Variants in CNTLN observed in about 807,000 individuals in gnomAD.
CNTLN encodes centlein, centrosomal protein.
CNTLN carries 212 observed loss-of-function variants against 180.0 expected under a neutral mutation model. The ratio of observed to expected loss-of-function variants is 1.18; its 90% confidence interval spans 1.05 to 1.32. The LOEUF is 1.32. Ranked by LOEUF, CNTLN falls within the 40% of genes most tolerant of loss-of-function variation. The probability of loss-of-function intolerance (pLI) is 0.00; values close to 1 mark genes in which losing one functional copy is unlikely to be tolerated. For missense variants in CNTLN, 2,095 were observed against 1,610.9 expected, an observed-to-expected ratio of 1.30 and a Z score of -5.14; for synonymous variants, 722 against 563.1, an observed-to-expected ratio of 1.28 and a Z score of -3.99.
rs762450294 is a variant in CNTLN at position 17,261,929 on chromosome 9, C to A, written c.850-11804C>A. On this transcript the variant is annotated intron_variant, in intron 5 of 25. Transcript: ENST00000380647. ...AGTAGGCGAAGGACATGAACAGACA[C>A]TTCTCCTTCAAAAGTGGACATTTAT... is the stretch of plus-strand genomic sequence containing the variant. Among the ~76,000 whole-genome samples, 4 of 151,736 alleles carry A rather than the reference C, an allele frequency of 2.6e-5. 1 individual carries two copies. Among genetic ancestry groups the A allele is most frequent in the Admixed American group, 1.3e-4 (2 of 15,278 alleles).
intron 7 of CNTLN, among the ~76,000 whole-genome samples, chr9:17,308,004 AC>A (rs1818848261): frequency 6.6e-6 from 1 of 151,530 alleles, no homozygotes; most frequent in East Asian, 1.9e-4. Flanking sequence ...ACACACACAC[AC>A]ACACACACAC....
intron 19 of CNTLN, among the ~76,000 whole-genome samples, chr9:17,458,335 A>C (rs995443059): frequency 6.6e-6 from 1 of 151,974 alleles, no homozygotes; most frequent in Non-Finnish European, 1.5e-5. Flanking sequence ...AGTGATCCTC[A>C]CACTTAATTG....
At chr9:17,274,978 C>G (rs1828216971) in intron 6 of CNTLN, among the ~76,000 whole-genome samples, 1 of 152,016 alleles carries the variant, frequency 6.6e-6, no homozygotes, top group East Asian at 1.9e-4. Flanking sequence ...TAAAAACTTT[C>G]TCATCATAAG....
At chr9:17,400,709 A>AT (rs529419461) in intron 15 of CNTLN, among the ~76,000 whole-genome samples, 50 of 151,886 alleles carry the variant, frequency 3.3e-4, no homozygotes, top group Middle Eastern at 6.8e-3. Context: ...AAAAGGAATC[A>AT]TTTTTTTTGG....
intron 5 of CNTLN, among the ~76,000 whole-genome samples, chr9:17,263,890 G>T (rs1484537112): frequency 9.2e-6 from 1 of 109,218 alleles, no homozygotes; most frequent in Non-Finnish European, 1.8e-5. Context: ...TGATGGGGTT[G>T]TTTGTTTTTT....
chr9:17,196,062 C>A lies in CNTLN; in HGVS notation c.450-30141C>A, dbSNP rs993988619. On this transcript the variant is annotated intron_variant, in intron 2 of 25. Transcript: ENST00000380647. ...TTTTTGAGATGGAGCCTTGCTCTGT[C>A]ACCCAGGCTGGAGTGCAGTGGCGCC... Among the ~76,000 whole-genome samples the A allele has an allele frequency of 3.3e-5, 5 of 152,092 alleles. No homozygotes were observed. The East Asian group carries it at 9.6e-4, about 29-fold the overall frequency.
At chr9:17,486,872 CTGTTCTT>C in intron 24 of CNTLN, 110 bp from the exon 25 acceptor site, 1 of 588,160 alleles carries the variant, frequency 1.7e-6, no homozygotes, top group Non-Finnish European at 3.0e-6. Flanking sequence ...AGATGACAGA[CTGTTCTT>C]TGTTGAATCT....
chr9:17,477,920 A>G (rs1474982552), intron 23 of CNTLN, among the ~76,000 whole-genome samples: 1 of 152,216 alleles, frequency 6.6e-6, no homozygotes, highest in Admixed American at 6.5e-5. Context: ...ATCACATGCT[A>G]TAGAGAAATC....
chr9:17,298,716 T>G, intron 7 of CNTLN: 1 of 993,764 alleles, frequency 1.0e-6, no homozygotes. Context: ...TGGCAGACTT[T>G]CATTGTAAAA....
chr9:17,235,589 A>G (rs1473203683), intron 3 of CNTLN, 69 bp from the exon 4 acceptor site: 2 of 1,288,476 alleles, frequency 1.6e-6, no homozygotes, highest in Non-Finnish European at 2.2e-6. Context: ...AAAATGTAAA[A>G]CCTTTAAAAT....
At chr9:17,404,747 T>TA (rs1167688031) in intron 15 of CNTLN, among the ~76,000 whole-genome samples, 2 of 150,458 alleles carry the variant, frequency 1.3e-5, no homozygotes, top group African/African-American at 4.9e-5. Flanking sequence ...AATTTTTTTT[T>TA]TTTTTTTTGA....
chr9:17,457,749 C>T, intron 19 of CNTLN, 34 bp downstream of exon 19: 5 of 1,258,266 alleles, frequency 4.0e-6, no homozygotes, highest in Non-Finnish European at 5.2e-6. Context: ...TGAAAACATA[C>T]ATTATGCTTG....
chr9:17,291,080 G>A (rs1362152031), intron 6 of CNTLN, among the ~76,000 whole-genome samples: 1 of 152,178 alleles, frequency 6.6e-6, no homozygotes, highest in Non-Finnish European at 1.5e-5. Context: ...TCATTCAGGA[G>A]CAGGTTGTTC....
chr9:17,313,033 G>C (rs1056704072), intron 8 of CNTLN, among the ~76,000 whole-genome samples: 1 of 152,018 alleles, frequency 6.6e-6, no homozygotes, highest in Admixed American at 6.5e-5. Flanking sequence ...TGATTGTTAT[G>C]TCTTTCTGAT....
intron 6 of CNTLN, among the ~76,000 whole-genome samples, chr9:17,295,995 A>T (rs7041335): frequency 8.8e-4 from 75 of 84,974 alleles, no homozygotes; most frequent in East Asian, 3.0e-3. Context: ...AGAGAGAGAG[A>T]GAGTGTGTGT....
intron 6 of CNTLN, among the ~76,000 whole-genome samples, chr9:17,281,640 T>C (rs1293616448): frequency 6.6e-6 from 1 of 152,230 alleles, no homozygotes; most frequent in East Asian, 1.9e-4. Flanking sequence ...GGCTGCATCA[T>C]ATTCCATGTT....
intron 2 of CNTLN, among the ~76,000 whole-genome samples, chr9:17,177,354 A>C (rs926842031): frequency 2.6e-5 from 4 of 152,014 alleles, no homozygotes; most frequent in Non-Finnish European, 5.9e-5. Flanking sequence ...GCTTGCAGTG[A>C]GCTGAGATTG....
At chr9:17,441,365 T>G (rs932645804) in intron 18 of CNTLN, among the ~76,000 whole-genome samples, 2 of 152,084 alleles carry the variant, frequency 1.3e-5, no homozygotes, top group African/African-American at 4.8e-5. Flanking sequence ...AAAACATAAC[T>G]AAAAATATGA....
chr9:17,284,852 G>A (rs1250868343), intron 6 of CNTLN, among the ~76,000 whole-genome samples: 2 of 151,858 alleles, frequency 1.3e-5, no homozygotes, highest in South Asian at 2.1e-4. Flanking sequence ...TGATGTTAGG[G>A]TGTCAACTTG....
Sources: gnomAD v4.1 joint callset for allele counts (sites outside exome capture counted in the v4.1 genomes callset) on GRCh38, gnomAD v4.1.1 for gene constraint, MANE v1.5 for transcripts, NCBI Gene and HGNC (gene_info 2026-07-23, HGNC 2026-07-21) for gene names.